Variants in ERCC3 observed in about 807,000 individuals in gnomAD.
The protein encoded by ERCC3 is ERCC excision repair 3, TFIIH core complex helicase subunit, also known as general transcription and DNA repair factor IIH helicase/translocase subunit XPB.
Under a neutral mutation model 94.2 loss-of-function variants are expected in ERCC3, and 66 were observed. The ratio of observed to expected loss-of-function variants is 0.70; its 90% CI spans 0.57 to 0.86. The LOEUF is 0.86. Ranked by LOEUF, ERCC3 falls within the 40% of genes least tolerant of loss-of-function variation. The pLI is 0.00. For synonymous variants in ERCC3, 349 were observed against 369.1 expected (o/e 0.95, Z 0.63); for missense variants, 829 against 987.1 (o/e 0.84, Z 2.15).
rs185340318 is a variant in ERCC3, at chr2:127,265,821, C to G, written c.1946-4475G>C. The stretch of plus-strand genomic sequence containing the variant: ...TGCTCTGATTTTAGTTATTTCTTTT[C>G]TTCAGCTAGTTTTGGGATTAGCTTG... On this transcript the variant is annotated intron_variant, in intron 12 of 14. Transcript: ENST00000285398. 2.0e-3 allele frequency among the ~76,000 whole-genome samples: 303 copies of G among 152,246 alleles called. 2 individuals are homozygous for G. The highest frequency in any genetic ancestry group is 7.1e-3 in the African/African-American group (296 of 41,558).
chr2:127,280,383 T>C lies in ERCC3; in HGVS notation c.1527+64A>G. On this transcript the variant is annotated intron_variant, in intron 9 of 14. Coordinates refer to ENST00000285398, the MANE Select transcript of ERCC3 (RefSeq NM_000122.2). This position sits in a 1 kb window ranked among gnomAD's most constrained non-coding sequence, Gnocchi z 6.3. The stretch of plus-strand genomic sequence containing the variant: ...TGTGTCTGCCCATGAGGAATCGATC[T>C]GATCACTCCCCTGCCCATAGGAGGA... The C allele has an allele frequency of 1.4e-6, 2 of 1,434,850 alleles. No homozygotes were observed. The highest frequency in any genetic ancestry group is 1.9e-6 in the Non-Finnish European group (2 of 1,035,910). The allele number at this position is 1,434,850 out of a possible 1,614,324, so 88.9% of individuals were successfully genotyped here.
In ERCC3 at chr2:127,274,384, A is replaced by G. The variant is rs1001330100; in HGVS notation, c.1731-1423T>C. On this transcript the variant is annotated intron_variant, in intron 10 of 14. Coordinates refer to ENST00000285398, the MANE Select transcript of ERCC3 (RefSeq NM_000122.2). The surrounding 1 kb of genome is among the most constrained non-coding windows in gnomAD (Gnocchi z 4.0). ...CCCTGCCAAGATTCCTCAGCATTGT[A>G]AAAGACAGGTTTCATGTTCCCCAAT... 1.3e-5 allele frequency among the ~76,000 whole-genome samples: 2 copies of G among 152,176 alleles called. No homozygotes were observed. Among genetic ancestry groups the G allele is most frequent in the African/African-American group, 2.4e-5 (1 of 41,446 alleles).
intron 8 of ERCC3, among the ~76,000 whole-genome samples, chr2:127,286,118 G>C (rs1424407515): frequency 6.6e-6 from 1 of 152,128 alleles, no homozygotes; most frequent in East Asian, 1.9e-4. Flanking sequence ...TCCTAACCCA[G>C]TTTTTAGAGG....
At chr2:127,286,483 T>C (rs1399751412) in intron 8 of ERCC3, among the ~76,000 whole-genome samples, 1 of 151,628 alleles carries the variant, frequency 6.6e-6, no homozygotes, top group East Asian at 1.9e-4. Context: ...GAGGTGGAAG[T>C]TGTGGTGAGC....
At chr2:127,272,195 TTG>T (rs1202431211) in intron 11 of ERCC3, among the ~76,000 whole-genome samples, 1 of 151,886 alleles carries the variant, frequency 6.6e-6, no homozygotes, top group Non-Finnish European at 1.5e-5. Context: ...CAGCTAATTT[TTG>T]TATTTTTAGT....
chr2:127,269,844 C>T (rs986332313), intron 12 of ERCC3, among the ~76,000 whole-genome samples: 1 of 151,960 alleles, frequency 6.6e-6, no homozygotes, highest in African/African-American at 2.4e-5. Flanking sequence ...TGGTGAAACC[C>T]CGTCTTTACT....
At chr2:127,261,122 T>C (rs560278930) in intron 13 of ERCC3, 106 bp downstream of exon 13, 2 of 775,544 alleles carry the variant, frequency 2.6e-6, no homozygotes, top group East Asian at 4.9e-5. Flanking sequence ...TCTAATCTCC[T>C]AATGCTTGGT....
chr2:127,294,108 G>A lies in ERCC3; in HGVS notation c.-27C>T, dbSNP rs769964535. On this transcript the variant is annotated 5_prime_UTR_variant, in exon 1 of 15. Coordinates refer to ENST00000285398, the MANE Select transcript of ERCC3 (RefSeq NM_000122.2). The stretch of plus-strand genomic sequence containing the variant: ...GCAGCTACAGCAGCAGAGAGAAGAT[G>A]ACCCCGCTCCCACAGGCCCGCCGCG... The A allele has an allele frequency of 3.1e-6, 5 of 1,604,816 alleles. No homozygotes were observed. The highest frequency in any genetic ancestry group is 3.3e-5 in the Admixed American group (2 of 59,846).
intron 7 of ERCC3, among the ~76,000 whole-genome samples, chr2:127,287,404 G>A (rs1156724418): frequency 6.6e-6 from 1 of 152,100 alleles, no homozygotes; most frequent in African/African-American, 2.4e-5. Context: ...AGGCCGAGGT[G>A]GGTAGATCAC....
chr2:127,289,626 C>T (rs1573961298), intron 5 of ERCC3, 63 bp downstream of exon 5: 14 of 1,610,268 alleles, frequency 8.7e-6, no homozygotes, highest in East Asian at 2.2e-5. Flanking sequence ...GTTAAAGACA[C>T]CTGAGAGAAC....
At chr2:127,292,481 C>G (rs903667836) in intron 3 of ERCC3, 129 bp downstream of exon 3, 22 of 782,720 alleles carry the variant, frequency 2.8e-5, no homozygotes, top group Non-Finnish European at 4.8e-5. Context: ...GGTAATCAGT[C>G]GTTATGCTCC....
At chr2:127,272,992 A>G (rs756485116) in intron 10 of ERCC3, 31 bp from the exon 11 acceptor site, 134 of 1,310,610 alleles carry the variant, frequency 1.0e-4, no homozygotes, top group Non-Finnish European at 9.5e-5. Flanking sequence ...GTTAGACCAC[A>G]GAATAATGCC....
In ERCC3 at chr2:127,289,385, A is replaced by G; in HGVS notation, c.774T>C (p.Asp258=). Residue 258 remains aspartate (D), a synonymous_variant, in exon 6 of 15, where the codon GAT becomes GAC. Transcript: ENST00000285398. ...LFDFYEQMDK[D]EEEEEETQTV... is the part of the protein sequence containing the mutation. ...TCTGTGTCTCTTCTTCTTCTTCTTC[A>G]TCCTTGTCCATTTGCTCATAGAAGT... 6.2e-7 allele frequency: 1 copy of G among 1,613,532 alleles called. No individual in the cohort carries two copies. Among genetic ancestry groups the G allele is most frequent in the Non-Finnish European group, 8.5e-7 (1 of 1,179,942 alleles).
chr2:127,268,986 A>G (rs1372001243), intron 12 of ERCC3, among the ~76,000 whole-genome samples: 1 of 131,562 alleles, frequency 7.6e-6, no homozygotes, highest in Non-Finnish European at 1.6e-5. Flanking sequence ...GTGACAACTG[A>G]GATGGCTACT....
chr2:127,293,490 G>C (rs1685349038), intron 2 of ERCC3, 23 bp downstream of exon 2: 3 of 1,609,990 alleles, frequency 1.9e-6, no homozygotes, highest in Non-Finnish European at 2.5e-6. Context: ...CCTGGGCCCT[G>C]CCCAAGCTAA....
Position 127,272,900 on chromosome 2 carries a change from G to A in ERCC3, c.1792C>T (p.His598Tyr). The change falls in exon 11 of 15, where the codon CAC (histidine) becomes TAC (tyrosine). Residue 598 changes from histidine to tyrosine, a missense_variant. Coordinates refer to ENST00000285398, the MANE Select transcript of ERCC3 (RefSeq NM_000122.2). ...ERMQILQNFK[H>Y]NPKINTIFIS... ...AAGATGGTGTTAATTTTGGGGTTGTGCTTGAAATTCTGGAGAATTTGCATC... is the reference window on the plus strand; with the variant it reads ...AAGATGGTGTTAATTTTGGGGTTGTACTTGAAATTCTGGAGAATTTGCATC... 6.2e-7 allele frequency: 1 copy of A among 1,613,770 alleles called. No homozygotes were observed. Among genetic ancestry groups the A allele is most frequent in the Non-Finnish European group, 8.5e-7 (1 of 1,179,678 alleles).
Position 127,280,671 on chromosome 2 carries a change from T to C in ERCC3, c.1343-40A>G. ...GGAGCATTCACACTGTCACTTTTCT[T>C]TCTTATTTTTTATTTATTTATTTTA... On this transcript the variant is annotated intron_variant, in intron 8 of 14. Coordinates refer to ENST00000285398, the MANE Select transcript of ERCC3 (RefSeq NM_000122.2). The surrounding 1 kb of genome is among the most constrained non-coding windows in gnomAD (Gnocchi z 6.3). The C allele has an allele frequency of 6.6e-7, 1 of 1,526,606 alleles. No homozygotes were observed. Among genetic ancestry groups the C allele is most frequent in the Non-Finnish European group, 9.0e-7 (1 of 1,107,164 alleles). The allele number at this position is 1,526,606 out of a possible 1,614,324, so 94.6% of individuals were successfully genotyped here.
At chr2:127,265,481 C>T (rs551229401) in intron 12 of ERCC3, among the ~76,000 whole-genome samples, 2 of 152,044 alleles carry the variant, frequency 1.3e-5, no homozygotes, top group Admixed American at 6.6e-5. Flanking sequence ...TGCAGAGGTG[C>T]GATCTCGGCT....
intron 4 of ERCC3, 65 bp from the exon 5 acceptor site, chr2:127,289,889 C>T (rs910560162): frequency 1.3e-5 from 20 of 1,554,866 alleles, no homozygotes; most frequent in African/African-American, 6.8e-5. Context: ...TTCCACTGCT[C>T]ATTCAATTAG....
Sources: gnomAD v4.1 joint callset for allele counts (sites outside exome capture counted in the v4.1 genomes callset) on GRCh38, gnomAD v4.1.1 for gene constraint, Gnocchi (gnomAD v3.1) non-coding constraint, MANE v1.5 for transcripts, NCBI Gene and HGNC (gene_info 2026-07-23, HGNC 2026-07-21) for gene names.